CDH8: variants seen among roughly 807,000 people sequenced by gnomAD.
The protein encoded by CDH8 is cadherin-8.
CDH8 carries 17 observed loss-of-function variants against 68.1 expected under a neutral mutation model. The observed-to-expected ratio is 0.25, with a 90% CI of 0.17 to 0.37. The LOEUF is 0.37. Ranked by LOEUF, CDH8 falls within the 10% of genes least tolerant of loss-of-function variation. CDH8 has a pLI of 1.00. For missense variants in CDH8, 763 were observed against 999.3 expected, an observed-to-expected ratio of 0.76 and a Z score of 3.19; for synonymous variants, 372 against 365.1, an observed-to-expected ratio of 1.02 and a Z score of -0.21.
intron 3 of CDH8, among the ~76,000 whole-genome samples, chr16:61,888,448 G>A (rs57626285): frequency 0.31 from 46,660 of 151,828 alleles, 7,594 homozygotes; most frequent in African/African-American, 0.41. Context: ...TGACGTATAA[G>A]GTCTAATCCC....
chr16:61,905,375 A>G (rs1964044451), intron 2 of CDH8, among the ~76,000 whole-genome samples: 1 of 152,138 alleles, frequency 6.6e-6, no homozygotes, highest in African/African-American at 2.4e-5. Flanking sequence ...AATTTAGGGG[A>G]AATAGAGCCA....
chr16:61,842,968 C>G (rs1199401231), intron 4 of CDH8, among the ~76,000 whole-genome samples: 1 of 152,092 alleles, frequency 6.6e-6, no homozygotes, highest in Non-Finnish European at 1.5e-5. Flanking sequence ...AGCCCTTTGT[C>G]AAAGTAACAA....
chr16:61,735,066 A>G (rs1358135826), intron 8 of CDH8, among the ~76,000 whole-genome samples: 1 of 151,968 alleles, frequency 6.6e-6, no homozygotes, highest in African/African-American at 2.4e-5. Flanking sequence ...CCATCTTCAC[A>G]TGGCTTTCTC....
chr16:61,850,573 G>T (rs1056401214), intron 4 of CDH8, among the ~76,000 whole-genome samples: 1 of 152,006 alleles, frequency 6.6e-6, no homozygotes, highest in Non-Finnish European at 1.5e-5. Context: ...TATCGAAAAA[G>T]TTCTTCAAGT....
At position 62,021,602 on chromosome 16, in the gene CDH8, C is replaced by T; in HGVS notation, c.-199G>A. On this transcript the variant is annotated splice_region_variant and 5_prime_UTR_variant, in exon 2 of 12. Transcript: ENST00000577390. ...TTGGCTTTTCTTTTCATTGAAATTT[C>T]CTGCAAAAACAAGGAGGAAGAAAGA... The T allele has an allele frequency of 1.5e-6, 2 of 1,335,408 alleles. No individual in the cohort carries two copies. The highest frequency in any genetic ancestry group is 2.8e-4 in the Middle Eastern group (1 of 3,602). 82.7% of individuals were successfully genotyped at this position (1,335,408 alleles called of 1,614,324 possible).
At chr16:61,758,886 A>G (rs999620286) in intron 8 of CDH8, among the ~76,000 whole-genome samples, 3 of 152,126 alleles carry the variant, frequency 2.0e-5, no homozygotes, top group Non-Finnish European at 4.4e-5. Context: ...TCCTCTGAGG[A>G]GCTTAATCCA....
intron 7 of CDH8, among the ~76,000 whole-genome samples, chr16:61,802,092 G>C (rs919724030): frequency 1.3e-4 from 19 of 141,906 alleles, no homozygotes; most frequent in African/African-American, 5.0e-4. Flanking sequence ...GAGAGCAGTG[G>C]TTCTCCCAGC....
chr16:61,841,379 A>G (rs1001742638), intron 4 of CDH8, among the ~76,000 whole-genome samples: 1 of 152,194 alleles, frequency 6.6e-6, no homozygotes, highest in African/African-American at 2.4e-5. Flanking sequence ...TGGCAACAAC[A>G]TAGATGGAAC....
At chr16:61,854,129 T>TACACAC (rs3069985) in intron 4 of CDH8, among the ~76,000 whole-genome samples, 8 of 145,626 alleles carry the variant, frequency 5.5e-5, no homozygotes, top group Non-Finnish European at 9.2e-5. Flanking sequence ...CATATACACA[T>TACACAC]ACACACACAC....
intron 2 of CDH8, among the ~76,000 whole-genome samples, chr16:62,008,080 G>C (rs929882624): frequency 6.6e-6 from 1 of 151,930 alleles, no homozygotes; most frequent in African/African-American, 2.4e-5. Context: ...AACCACAGGT[G>C]CATGCCACCA....
At position 61,652,586 on chromosome 16, in the gene CDH8, G is replaced by T; in HGVS notation, c.*1022C>A. The T allele has an allele frequency of 9.5e-7, 1 of 1,049,434 alleles. No homozygotes were observed. The highest frequency in any genetic ancestry group is 1.2e-6 in the Non-Finnish European group (1 of 856,624). The allele number at this position is 1,049,434 out of a possible 1,614,324, so 65.0% of individuals were successfully genotyped here. A position where few individuals can be genotyped will look rare whatever the true frequency, so the allele number is the denominator to read the frequency against. ...AGCTCTCCTTTCGATAATATTGCCTGCCATACTCATCTCATCAAAATGTAC... is the reference window on the plus strand; with the variant it reads ...AGCTCTCCTTTCGATAATATTGCCTTCCATACTCATCTCATCAAAATGTAC... On this transcript the variant is annotated 3_prime_UTR_variant, in exon 12 of 12. Transcript: ENST00000577390.
chr16:61,780,943 G>C (rs977101194), intron 8 of CDH8, among the ~76,000 whole-genome samples: 1 of 152,076 alleles, frequency 6.6e-6, no homozygotes. Context: ...TCTCATCCTT[G>C]TTTGTTCTAA....
chr16:61,960,332 T>C (rs146034265), intron 2 of CDH8, among the ~76,000 whole-genome samples: 2,165 of 72,376 alleles, frequency 0.03, 898 homozygotes, highest in African/African-American at 0.19. Flanking sequence ...TGTGTGTGTA[T>C]ACACACATAT....
chr16:62,021,545 C>A lies in CDH8; in HGVS notation c.-142G>T. The A allele has an allele frequency of 7.0e-7, 1 of 1,431,572 alleles. No individual in the cohort carries two copies. The highest frequency in any genetic ancestry group is 1.7e-5 in the South Asian group (1 of 58,974). The allele number at this position is 1,431,572 out of a possible 1,614,324, so 88.7% of individuals were successfully genotyped here. ...TGTCTATAGCACGGGAAACAGACAT[C>A]ATCTAAGCAGCTTTTCTAAGACCAC... On this transcript the variant is annotated 5_prime_UTR_variant, in exon 2 of 12. It removes an upstream start codon present in the reference 5' UTR. Transcript: ENST00000577390.
intron 1 of CDH8, among the ~76,000 whole-genome samples, chr16:62,028,487 C>T (rs1902248804): frequency 6.6e-6 from 1 of 152,034 alleles, no homozygotes; most frequent in Admixed American, 6.6e-5. Context: ...AATGCCTCTC[C>T]TCCTCCTTCT....
At chr16:61,856,455 T>C (rs1963050366) in intron 4 of CDH8, among the ~76,000 whole-genome samples, 1 of 152,158 alleles carries the variant, frequency 6.6e-6, no homozygotes, top group African/African-American at 2.4e-5. Flanking sequence ...TATAAAGCTA[T>C]TTTTTAACCT....
intron 8 of CDH8, among the ~76,000 whole-genome samples, chr16:61,789,027 T>C (rs1961314714): frequency 6.6e-6 from 1 of 151,102 alleles, no homozygotes; most frequent in Non-Finnish European, 1.5e-5. Flanking sequence ...AATTATAGTG[T>C]ACAGTTCTTG....
In CDH8 at chr16:61,824,768, C is replaced by T. The variant is rs536353660; in HGVS notation, c.835+244G>A. On this transcript the variant is annotated intron_variant, in intron 5 of 11. Coordinates refer to ENST00000577390, the MANE Select transcript of CDH8 (RefSeq NM_001796.5). ...AGGCAAAAGAGAAAGGAGTGCACAA[C>T]TTGCAGTCAGACATACTGGTTCTAA... Among the ~76,000 whole-genome samples, 18 of 152,050 alleles carry T rather than the reference C, an allele frequency of 1.2e-4. No homozygotes were observed. The South Asian group carries it at 3.5e-3, about 30-fold the overall frequency.
chr16:61,672,872 G>A lies in CDH8; in HGVS notation c.1655-17151C>T, dbSNP rs1191893866. On this transcript the variant is annotated intron_variant, in intron 10 of 11. Transcript: ENST00000577390. ...AATATAAAGTGGTTTTCAAGCAAAT[G>A]TTCTACCTAACACAGTGTAAATCCA... 2.6e-5 allele frequency among the ~76,000 whole-genome samples: 4 copies of A among 152,042 alleles called. 1 individual carries two copies. Among genetic ancestry groups the A allele is most frequent in the South Asian group, 4.1e-4 (2 of 4,834 alleles).
Sources: allele counts gnomAD v4.1 joint callset (sites outside exome capture counted in the v4.1 genomes callset), GRCh38; gene constraint gnomAD v4.1.1; transcripts MANE v1.5; gene names NCBI Gene and HGNC (gene_info 2026-07-23, HGNC 2026-07-21).